The following MYBL1 variants were observed in gnomAD, a reference collection of about 807,000 sequenced individuals.
MYBL1 encodes myb-related protein A.
Under a neutral mutation model 96.3 loss-of-function variants are expected in MYBL1, and 17 were observed. The ratio of observed to expected loss-of-function variants is 0.18; its 90% confidence interval spans 0.12 to 0.26. The LOEUF is 0.26. MYBL1 is among the 10% of genes least tolerant of loss of function. MYBL1 has a pLI of 1.00. For synonymous variants in MYBL1, 282 were observed against 292.7 expected, an observed-to-expected ratio of 0.96 and a Z score of 0.37; for missense variants, 701 against 882.9, an observed-to-expected ratio of 0.79 and a Z score of 2.61.
chr8:66,586,403 T>A (rs62512605), intron 8 of MYBL1, among the ~76,000 whole-genome samples: 1 of 152,032 alleles, frequency 6.6e-6, no homozygotes, highest in South Asian at 2.1e-4. Flanking sequence ...AAAGAAAACA[T>A]ACAAATGGAC....
intron 11 of MYBL1, 102 bp from the exon 12 acceptor site, chr8:66,572,698 A>G (rs1808782848): frequency 2.1e-6 from 1 of 482,480 alleles, no homozygotes; most frequent in Non-Finnish European, 3.7e-6. Flanking sequence ...TCTTACACAT[A>G]TATATATGCT....
intron 8 of MYBL1, among the ~76,000 whole-genome samples, chr8:66,589,905 A>C (rs745639196): frequency 6.6e-6 from 1 of 152,166 alleles, no homozygotes; most frequent in Non-Finnish European, 1.5e-5. Context: ...TCTCGTCTCT[A>C]CAAAAAGTAT....
At chr8:66,595,471 G>A (rs554973225) in intron 6 of MYBL1, 112 bp downstream of exon 6, 4 of 484,108 alleles carry the variant, frequency 8.3e-6, no homozygotes, top group Middle Eastern at 5.6e-4. Flanking sequence ...TTTTCAGTTT[G>A]TCTATTTACC....
At chr8:66,584,265 A>G (rs1809326802) in intron 8 of MYBL1, among the ~76,000 whole-genome samples, 2 of 152,230 alleles carry the variant, frequency 1.3e-5, no homozygotes, top group Admixed American at 6.5e-5. Context: ...AGCCAACATC[A>G]TACTGAACAA....
intron 8 of MYBL1, among the ~76,000 whole-genome samples, chr8:66,589,914 AT>A (rs905531733): frequency 1.3e-5 from 2 of 151,560 alleles, no homozygotes; most frequent in South Asian, 2.1e-4. Flanking sequence ...TACAAAAAGT[AT>A]TTTTTTTTAT....
intron 12 of MYBL1, among the ~76,000 whole-genome samples, chr8:66,571,572 T>C (rs1008725710): frequency 1.8e-4 from 28 of 152,184 alleles, no homozygotes; most frequent in African/African-American, 6.5e-4. Flanking sequence ...TACTAAAATG[T>C]ATATTTCAGT....
At chr8:66,598,672 C>G (rs535656653) in intron 4 of MYBL1, among the ~76,000 whole-genome samples, 3 of 152,060 alleles carry the variant, frequency 2.0e-5, no homozygotes, top group African/African-American at 4.8e-5. Flanking sequence ...GAATGACTTC[C>G]GTGCATATCA....
intron 8 of MYBL1, among the ~76,000 whole-genome samples, chr8:66,586,071 G>A (rs1256995134): frequency 1.5e-5 from 2 of 129,376 alleles, no homozygotes; most frequent in Admixed American, 8.3e-5. Context: ...TTTGAGATAA[G>A]GTCCGGCTCT....
At position 66,592,097 on chromosome 8, in the gene MYBL1, C is replaced by A. The variant is rs143438271; in HGVS notation, c.867+343G>T. ...CCTGAGCAACACGGTGAAACCCCAT[C>A]TCTACAAAAATAAAAAAAAATTGTC... On this transcript the variant is annotated intron_variant, in intron 8 of 15. Coordinates refer to ENST00000522677, the MANE Select transcript of MYBL1 (RefSeq NM_001080416.4). 5.2e-3 allele frequency among the ~76,000 whole-genome samples: 783 copies of A among 151,930 alleles called. 5 individuals carry two copies. Among genetic ancestry groups the A allele is most frequent in the African/African-American group, 0.018 (738 of 41,432 alleles).
At chr8:66,603,964 T>C (rs1810206335) in intron 1 of MYBL1, among the ~76,000 whole-genome samples, 2 of 141,656 alleles carry the variant, frequency 1.4e-5, no homozygotes, top group South Asian at 2.1e-4. Flanking sequence ...ACAATTCATA[T>C]GAAAAAAAAA....
chr8:66,593,198 A>G lies in MYBL1; in HGVS notation c.688-4T>C. On this transcript the variant is annotated splice_polypyrimidine_tract_variant and splice_region_variant and intron_variant, in intron 6 of 15. Transcript: ENST00000522677. The stretch of plus-strand genomic sequence containing the variant: ...ACACATACTGATACCCAGGGATCTA[A>G]AAAGTAATTAATGCATTATTATCAT... 1.3e-6 allele frequency: 2 copies of G among 1,541,200 alleles called. No homozygotes were observed. Among genetic ancestry groups the G allele is most frequent in the South Asian group, 1.2e-5 (1 of 83,916 alleles).
chr8:66,592,575 G>C (rs768951589), intron 7 of MYBL1, 31 bp from the exon 8 acceptor site: 2 of 1,281,486 alleles, frequency 1.6e-6, no homozygotes, highest in Non-Finnish European at 2.2e-6. Flanking sequence ...GAGAAAACAG[G>C]ATGCTTATAT....
chr8:66,612,804 A>T lies in MYBL1; in HGVS notation c.20+15T>A. The T allele has an allele frequency of 7.3e-7, 1 of 1,365,836 alleles. No individual in the cohort carries two copies. Among genetic ancestry groups the T allele is most frequent in the Non-Finnish European group, 9.5e-7 (1 of 1,050,788 alleles). The allele number at this position is 1,365,836 out of a possible 1,614,324, so 84.6% of individuals were successfully genotyped here. On this transcript the variant is annotated intron_variant, in intron 1 of 15. Coordinates refer to ENST00000522677, the MANE Select transcript of MYBL1 (RefSeq NM_001080416.4). ...GACGGCGCCGACAGGCCTGGGCGAA[A>T]GGGGTGCCACCCACCTGCGCGACCT...
At chr8:66,586,039 GGT>G (rs1266864907) in intron 8 of MYBL1, among the ~76,000 whole-genome samples, 5 of 145,678 alleles carry the variant, frequency 3.4e-5, no homozygotes, top group African/African-American at 7.7e-5. Flanking sequence ...TTTGTTTTTT[GGT>G]GTTTTTTTTT....
chr8:66,566,095 G>T lies in MYBL1; in HGVS notation c.2099C>A (p.Ser700Tyr), dbSNP rs201328796. Residue 700 changes from serine to tyrosine, a missense_variant, in exon 15 of 16, where the codon TCC becomes TAC. Coordinates refer to ENST00000522677, the MANE Select transcript of MYBL1 (RefSeq NM_001080416.4). Reference sequence around the variant, plus strand: ...ATTCTTTTCCAATTTGACAACTTTGGAAGTGTTAGGGTTTGGTTTCTTTTT... The same window carrying T: ...ATTCTTTTCCAATTTGACAACTTTGTAAGTGTTAGGGTTTGGTTTCTTTTT... Reference protein sequence around the residue: ...LTKKKPNPNTSKVVKLEKNLQ... With the variant: ...LTKKKPNPNTYKVVKLEKNLQ... The T allele has an allele frequency of 1.6e-5, 24 of 1,535,638 alleles. No homozygotes were observed. In the East Asian group the frequency reaches 5.7e-4, roughly 36 times the overall value.
At chr8:66,593,098 T>C in intron 7 of MYBL1, 22 bp downstream of exon 7, 1 of 1,478,416 alleles carries the variant, frequency 6.8e-7, no homozygotes, top group South Asian at 1.3e-5. Context: ...TTCCTTTGGT[T>C]TTCGTTATAA....
chr8:66,591,079 G>C (rs564265076), intron 8 of MYBL1, among the ~76,000 whole-genome samples: 14 of 152,066 alleles, frequency 9.2e-5, no homozygotes, highest in Admixed American at 9.2e-4. Context: ...GTTAGGTGCG[G>C]TGGCTCACGC....
In MYBL1 at chr8:66,563,703, A is replaced by C. The variant is rs1452253690; in HGVS notation, c.*994T>G. 6.6e-6 allele frequency: 1 copy of C among 152,310 alleles called. No homozygotes were observed. Among genetic ancestry groups the C allele is most frequent in the Non-Finnish European group, 1.5e-5 (1 of 67,950 alleles). 9.4% of individuals were successfully genotyped at this position (152,310 alleles called of 1,614,324 possible). A position where few individuals can be genotyped will look rare whatever the true frequency, so the allele number is the denominator to read the frequency against. Reference sequence around the variant, plus strand: ...ATATGACCACCCCCGATATAATTTAAAAAGAAAATATTAAATTATTATTTA... The same window carrying C: ...ATATGACCACCCCCGATATAATTTACAAAGAAAATATTAAATTATTATTTA... On this transcript the variant is annotated 3_prime_UTR_variant, in exon 16 of 16. Coordinates refer to ENST00000522677, the MANE Select transcript of MYBL1 (RefSeq NM_001080416.4).
chr8:66,564,777 G>T lies in MYBL1; in HGVS notation c.2179C>A (p.Leu727Ile). 1 of 1,582,956 alleles carries T rather than the reference G, an allele frequency of 6.3e-7. No homozygotes were observed. ...CTTCTTGCTTGTTCAGTCATAATAA[G>T]TTGGTCTTCTGTCTTCCCATAAACC... ...TVVYGKTEDQ[L>I]IMTEQARRYL... The change falls in exon 16 of 16, where the codon CTT becomes ATT. Residue 727 changes from leucine (L) to isoleucine (I), a missense_variant. Coordinates refer to ENST00000522677, the MANE Select transcript of MYBL1 (RefSeq NM_001080416.4).
Sources: allele counts gnomAD v4.1 joint callset (sites outside exome capture counted in the v4.1 genomes callset), GRCh38; gene constraint gnomAD v4.1.1; transcripts MANE v1.5; gene names NCBI Gene and HGNC (gene_info 2026-07-23, HGNC 2026-07-21).